Variants in ABTB2 observed in about 807,000 individuals in gnomAD.
The protein encoded by ABTB2 is ankyrin repeat and BTB domain containing 2.
A neutral mutation model predicts 104.1 loss-of-function variants in ABTB2; 56 were observed. The ratio of observed to expected loss-of-function variants is 0.54; its 90% CI spans 0.43 to 0.67. The LOEUF (loss-of-function observed/expected upper bound fraction) is 0.67, where lower values mean the gene tolerates loss of function less well. Among genes scored for constraint, ABTB2 ranks in the 30% least tolerant of loss-of-function variants. The pLI, the probability that ABTB2 is intolerant of heterozygous loss-of-function variation, is 0.00. For missense variants in ABTB2, 1,279 were observed against 1,407.7 expected (o/e 0.91, Z 1.46); for synonymous variants, 606 against 608.2 (o/e 1.00, Z 0.05).
intron 1 of ABTB2, among the ~76,000 whole-genome samples, chr11:34,225,521 C>T (rs4756116): frequency 0.6 from 91,460 of 151,796 alleles, 27,865 homozygotes; most frequent in Non-Finnish European, 0.66. Flanking sequence ...TTTGGGAGGC[C>T]GAGGTGGGCA....
chr11:34,219,524 C>T (rs1180190716), intron 1 of ABTB2, among the ~76,000 whole-genome samples: 1 of 152,128 alleles, frequency 6.6e-6, no homozygotes, highest in African/African-American at 2.4e-5. Context: ...GCCTGGGCAA[C>T]AGAGCAAGAC....
chr11:34,229,075 G>A (rs796247155), intron 1 of ABTB2, among the ~76,000 whole-genome samples: 19 of 136,490 alleles, frequency 1.4e-4, no homozygotes, highest in African/African-American at 4.9e-4. Flanking sequence ...AGCCAAGATC[G>A]CGCCACTGCA....
chr11:34,293,498 T>C (rs947530620), intron 1 of ABTB2, among the ~76,000 whole-genome samples: 1 of 152,114 alleles, frequency 6.6e-6, no homozygotes, highest in Non-Finnish European at 1.5e-5. Context: ...GAAGGAATAA[T>C]TCTCAAAAGG....
intron 1 of ABTB2, among the ~76,000 whole-genome samples, chr11:34,287,125 C>T (rs1000613179): frequency 1.1e-4 from 16 of 149,208 alleles, no homozygotes; most frequent in African/African-American, 4.0e-4. Flanking sequence ...GGTGGGAAGA[C>T]TGCTTGAGCC....
chr11:34,245,214 AGG>A (rs1307214012), intron 1 of ABTB2, among the ~76,000 whole-genome samples: 4 of 152,212 alleles, frequency 2.6e-5, no homozygotes, highest in Non-Finnish European at 5.9e-5. Context: ...AGAAGGGCTC[AGG>A]TTCAGCACCG....
intron 1 of ABTB2, among the ~76,000 whole-genome samples, chr11:34,245,267 C>T (rs1000135822): frequency 6.6e-6 from 1 of 152,340 alleles, no homozygotes; most frequent in Non-Finnish European, 1.5e-5. Context: ...CCCCACCACA[C>T]TGCCACCCTG....
At chr11:34,337,110 G>A (rs1855200638) in intron 1 of ABTB2, among the ~76,000 whole-genome samples, 1 of 152,266 alleles carries the variant, frequency 6.6e-6, no homozygotes, top group Admixed American at 6.5e-5. Flanking sequence ...CCACCTGAGT[G>A]CAAGTGAGTG....
chr11:34,339,016 T>C (rs1239465268), intron 1 of ABTB2, among the ~76,000 whole-genome samples: 1 of 152,186 alleles, frequency 6.6e-6, no homozygotes, highest in East Asian at 1.9e-4. Context: ...AGGTAAAACA[T>C]TGTAACACAT....
chr11:34,154,440 C>G lies in ABTB2; in HGVS notation c.2767-62G>C. 1 of 1,263,366 alleles carries G rather than the reference C, an allele frequency of 7.9e-7. No individual in the cohort carries two copies. The allele number at this position is 1,263,366 out of a possible 1,614,324, so 78.3% of individuals were successfully genotyped here. Reference sequence around the variant, plus strand: ...GCCAGACCAGTGGCCCAGACAGCACCGAACAGAAAGCTCCCGAGTGCCGTG... The same window carrying G: ...GCCAGACCAGTGGCCCAGACAGCACGGAACAGAAAGCTCCCGAGTGCCGTG... On this transcript the variant is annotated intron_variant, in intron 15 of 16. Transcript: ENST00000435224. The surrounding 1 kb of genome is among the most constrained non-coding windows in gnomAD (Gnocchi z 4.9).
rs369027989 is a variant in ABTB2, at chr11:34,274,376, C to T, written c.884-69686G>A. ...GAGCCAGGATTCAAACCCAGGCTGA[C>T]GGGCCTCCATTTTGGAGCTCTAAAC... On this transcript the variant is annotated intron_variant, in intron 1 of 16. Coordinates refer to ENST00000435224, the MANE Select transcript of ABTB2 (RefSeq NM_145804.3). 4.6e-5 allele frequency among the ~76,000 whole-genome samples: 7 copies of T among 152,054 alleles called. No homozygotes were observed. In the East Asian group the frequency reaches 7.7e-4, roughly 17 times the overall value.
chr11:34,344,019 G>A (rs748103102), intron 1 of ABTB2, among the ~76,000 whole-genome samples: 40 of 152,122 alleles, frequency 2.6e-4, no homozygotes, highest in South Asian at 1.0e-3. Flanking sequence ...TCCAACAGGC[G>A]GTTGGATACT....
chr11:34,208,344 G>A (rs1394738599), intron 1 of ABTB2, among the ~76,000 whole-genome samples: 4 of 152,126 alleles, frequency 2.6e-5, no homozygotes, highest in East Asian at 1.9e-4. Context: ...GAAAGCATGC[G>A]GGAACATTTG....
At chr11:34,331,887 A>G (rs1000733293) in intron 1 of ABTB2, among the ~76,000 whole-genome samples, 6 of 152,262 alleles carry the variant, frequency 3.9e-5, no homozygotes, top group Non-Finnish European at 7.3e-5. Flanking sequence ...TTATGGAGTG[A>G]GCAGAAGTTA....
chr11:34,204,837 C>T, intron 1 of ABTB2, 147 bp from the exon 2 acceptor site: 1 of 925,038 alleles, frequency 1.1e-6, no homozygotes. Flanking sequence ...GCCTTGAGGA[C>T]TTGAGAACTT....
chr11:34,317,085 G>A (rs1854942040), intron 1 of ABTB2, among the ~76,000 whole-genome samples: 1 of 152,184 alleles, frequency 6.6e-6, no homozygotes, highest in African/African-American at 2.4e-5. Flanking sequence ...AACAGAACTA[G>A]AACAATTCCA....
intron 1 of ABTB2, among the ~76,000 whole-genome samples, chr11:34,231,594 G>T (rs1457427047): frequency 6.6e-6 from 1 of 152,120 alleles, no homozygotes; most frequent in African/African-American, 2.4e-5. Context: ...CTCCTGAGAC[G>T]AAGTTTCACT....
intron 9 of ABTB2, among the ~76,000 whole-genome samples, chr11:34,163,798 C>T (rs930721536): frequency 3.3e-5 from 5 of 152,202 alleles, no homozygotes; most frequent in African/African-American, 4.8e-5. Flanking sequence ...GAACTAGCCA[C>T]GGTGACTGTC....
At chr11:34,260,260 A>G (rs1276958138) in intron 1 of ABTB2, among the ~76,000 whole-genome samples, 2 of 152,174 alleles carry the variant, frequency 1.3e-5, no homozygotes, top group Non-Finnish European at 2.9e-5. Flanking sequence ...GGGCCCTGAG[A>G]GTCAATGAGG....
chr11:34,239,413 C>G (rs539831085), intron 1 of ABTB2, among the ~76,000 whole-genome samples: 1 of 152,104 alleles, frequency 6.6e-6, no homozygotes, highest in South Asian at 2.1e-4. Context: ...CACGGTTTAC[C>G]TCAAACTCCT....
Sources: allele counts gnomAD v4.1 joint callset (sites outside exome capture counted in the v4.1 genomes callset), GRCh38; gene constraint gnomAD v4.1.1; non-coding constraint Gnocchi (gnomAD v3.1); transcripts MANE v1.5; gene names NCBI Gene and HGNC (gene_info 2026-07-23, HGNC 2026-07-21).